Variants in B4GALNT3 observed in about 807,000 individuals in gnomAD.
The protein encoded by B4GALNT3 is beta-1,4-N-acetylgalactosaminyltransferase 3.
A neutral mutation model predicts 120.2 loss-of-function variants in B4GALNT3; 86 were observed. The observed-to-expected ratio is 0.72, with a 90% CI of 0.60 to 0.86. The LOEUF is 0.86. Among genes scored for constraint, B4GALNT3 ranks in the 40% least tolerant of loss-of-function variants. B4GALNT3 has a pLI of 0.00. For synonymous variants in B4GALNT3, 518 were observed against 510.4 expected (o/e 1.01, Z -0.20); for missense variants, 1,167 against 1,298.9 (o/e 0.90, Z 1.56).
At chr12:509,284 T>C (rs1009746669) in intron 1 of B4GALNT3, among the ~76,000 whole-genome samples, 1 of 152,170 alleles carries the variant, frequency 6.6e-6, no homozygotes, top group African/African-American at 2.4e-5. Context: ...CTCTGCAAAA[T>C]GCAGCTGTTT....
At chr12:539,945 T>C (rs1361467902) in intron 3 of B4GALNT3, among the ~76,000 whole-genome samples, 2 of 152,256 alleles carry the variant, frequency 1.3e-5, no homozygotes, top group East Asian at 3.9e-4. Flanking sequence ...ATCGAGTACC[T>C]CGAAACTCTG....
chr12:545,218 TC>T, intron 5 of B4GALNT3, 150 bp from the exon 6 acceptor site: 1 of 1,455,934 alleles, frequency 6.9e-7, no homozygotes, highest in South Asian at 1.4e-5. Flanking sequence ...TCACACTGTC[TC>T]CCAGGATGTA....
At chr12:544,195 G>A (rs1946960867) in intron 3 of B4GALNT3, 144 bp from the exon 4 acceptor site, 3 of 677,304 alleles carry the variant, frequency 4.4e-6, no homozygotes, top group Admixed American at 2.4e-5. Context: ...CTGGAGCTGA[G>A]GCTCTGGGGA....
In B4GALNT3 at chr12:549,042, G is replaced by A. The variant is rs142210838; in HGVS notation, c.854-727G>A. 1.4e-3 allele frequency among the ~76,000 whole-genome samples: 220 copies of A among 152,310 alleles called. 1 individual carries two copies. Among genetic ancestry groups the A allele is most frequent in the African/African-American group, 5.1e-3 (213 of 41,564 alleles). On this transcript the variant is annotated intron_variant, in intron 9 of 19. Transcript: ENST00000266383. ...CACCTGCCTTCAGTGCACAGGAAGCGACCTCTTTCTTCAATGGCATTTTCC... is the reference window on the plus strand; with the variant it reads ...CACCTGCCTTCAGTGCACAGGAAGCAACCTCTTTCTTCAATGGCATTTTCC...
At chr12:547,295 A>G (rs939551635) in intron 7 of B4GALNT3, among the ~76,000 whole-genome samples, 27 of 152,220 alleles carry the variant, frequency 1.8e-4, no homozygotes, top group African/African-American at 5.3e-4. Flanking sequence ...TGACTGTAGT[A>G]ACAACAATGG....
intron 1 of B4GALNT3, among the ~76,000 whole-genome samples, chr12:532,108 A>G (rs1946814497): frequency 6.6e-6 from 1 of 152,158 alleles, no homozygotes; most frequent in South Asian, 2.1e-4. Context: ...GCCAGGCCAC[A>G]ATTAGATCTT....
rs1036771650 is a variant in B4GALNT3 at position 554,653 on chromosome 12, A to G, written c.2060+670A>G. On this transcript the variant is annotated intron_variant, in intron 14 of 19. Transcript: ENST00000266383. The stretch of plus-strand genomic sequence containing the variant: ...AAAATACAAAAAATTAGCCAGGCAT[A>G]GTGGCGGGCGCCTGTAGTCCCAGCT... 8.8e-4 allele frequency among the ~76,000 whole-genome samples: 132 copies of G among 150,608 alleles called. 2 individuals are homozygous for G. The highest frequency in any genetic ancestry group is 3.4e-3 in the Middle Eastern group (1 of 290).
At chr12:464,651 A>G (rs1288369365) in intron 1 of B4GALNT3, among the ~76,000 whole-genome samples, 2 of 151,694 alleles carry the variant, frequency 1.3e-5, no homozygotes, top group African/African-American at 4.8e-5. Flanking sequence ...AATGGTTTCT[A>G]GAGATGAAAT....
chr12:559,557 G>A, intron 19 of B4GALNT3, 136 bp downstream of exon 19: 1 of 1,290,584 alleles, frequency 7.7e-7, no homozygotes, highest in Non-Finnish European at 1.1e-6. Flanking sequence ...TGGACTCGGA[G>A]GACGCCCTCA....
At chr12:559,559 A>G (rs1947201455) in intron 19 of B4GALNT3, 138 bp downstream of exon 19, 1 of 1,267,338 alleles carries the variant, frequency 7.9e-7, no homozygotes. Context: ...GACTCGGAGG[A>G]CGCCCTCAAA....
chr12:486,205 CTTTT>C (rs59345776), intron 1 of B4GALNT3, among the ~76,000 whole-genome samples: 3 of 97,990 alleles, frequency 3.1e-5, no homozygotes, highest in Admixed American at 1.3e-4. Flanking sequence ...CCAAAATATT[CTTTT>C]TTTTTTTTTT....
chr12:491,457 G>A (rs1436047748), intron 1 of B4GALNT3, among the ~76,000 whole-genome samples: 1 of 151,748 alleles, frequency 6.6e-6, no homozygotes, highest in African/African-American at 2.4e-5. Context: ...AGCCTTCTGA[G>A]TAGCTGAGAT....
chr12:462,733 C>T (rs367896112), intron 1 of B4GALNT3, among the ~76,000 whole-genome samples: 2 of 152,056 alleles, frequency 1.3e-5, no homozygotes, highest in African/African-American at 2.4e-5. Flanking sequence ...TGCGCTGTCC[C>T]GTTATATTCT....
At chr12:500,054 A>G (rs1946423666) in intron 1 of B4GALNT3, among the ~76,000 whole-genome samples, 3 of 152,122 alleles carry the variant, frequency 2.0e-5, no homozygotes, top group South Asian at 4.1e-4. Flanking sequence ...ATAGCACAGC[A>G]TCCTCTAACG....
intron 1 of B4GALNT3, among the ~76,000 whole-genome samples, chr12:487,602 A>G (rs1946301660): frequency 6.6e-6 from 1 of 152,076 alleles, no homozygotes; most frequent in African/African-American, 2.4e-5. Context: ...AGTCCCAGCT[A>G]CTTGGGAGGC....
At chr12:538,167 A>G (rs1014715440) in intron 3 of B4GALNT3, among the ~76,000 whole-genome samples, 44 of 152,214 alleles carry the variant, frequency 2.9e-4, no homozygotes, top group African/African-American at 1.0e-3. Flanking sequence ...AACATTCTAC[A>G]TTTATTAATA....
intron 15 of B4GALNT3, among the ~76,000 whole-genome samples, chr12:557,293 A>G (rs1313183127): frequency 6.6e-6 from 1 of 152,118 alleles, no homozygotes; most frequent in African/African-American, 2.4e-5. Flanking sequence ...ACTAAGAGGG[A>G]CAGATAACAG....
intron 2 of B4GALNT3, 109 bp downstream of exon 2, chr12:535,378 G>A (rs1946847939): frequency 4.6e-6 from 4 of 868,842 alleles, no homozygotes; most frequent in Admixed American, 2.3e-5. Flanking sequence ...AGGAGAGGCA[G>A]AGGATAAACA....
Position 544,239 on chromosome 12 carries a change from G to T in B4GALNT3, c.352-100G>T, listed in dbSNP as rs9669294. The T allele has an allele frequency of 1.9e-5, 18 of 947,220 alleles. No individual in the cohort carries two copies. The South Asian group carries it at 1.9e-4, about 10-fold the overall frequency. 58.7% of individuals were successfully genotyped at this position (947,220 alleles called of 1,614,324 possible). ...GGTGCTCATCCTCCTGGAGCTGAGG[G>T]TCTGGGGCGGGCATGGGATGCTCAT... On this transcript the variant is annotated intron_variant, in intron 3 of 19. Transcript: ENST00000266383.
Sources: allele counts gnomAD v4.1 joint callset (sites outside exome capture counted in the v4.1 genomes callset), GRCh38; gene constraint gnomAD v4.1.1; transcripts MANE v1.5; gene names NCBI Gene and HGNC (gene_info 2026-07-23, HGNC 2026-07-21).